EPB41L5: variants seen among roughly 807,000 people sequenced by gnomAD.
The protein encoded by EPB41L5 is erythrocyte membrane protein band 4.1 like 5, also known as band 4.1-like protein 5.
Under a neutral mutation model 106.6 loss-of-function variants are expected in EPB41L5, and 55 were observed. That is an observed-to-expected ratio of 0.52 (90% CI 0.42 to 0.65). The LOEUF (loss-of-function observed/expected upper bound fraction) is 0.65. Ranked by LOEUF, EPB41L5 falls within the 30% of genes least tolerant of loss-of-function variation. The pLI, the probability that EPB41L5 is intolerant of heterozygous loss-of-function variation, is 0.00. For synonymous variants in EPB41L5, 297 were observed against 306.7 expected (o/e 0.97, Z 0.33); for missense variants, 871 against 882.1 (o/e 0.99, Z 0.16).
chr2:120,160,109 A>T (rs1192716086), intron 20 of EPB41L5, among the ~76,000 whole-genome samples: 1 of 152,170 alleles, frequency 6.6e-6, no homozygotes, highest in African/African-American at 2.4e-5. Context: ...AAAAATAACT[A>T]ATGGGTACTA....
At chr2:120,137,224 G>A (rs191121850) in intron 18 of EPB41L5, among the ~76,000 whole-genome samples, 322 of 152,076 alleles carry the variant, frequency 2.1e-3, no homozygotes, top group Middle Eastern at 6.8e-3. Context: ...AAGCAGTACT[G>A]AGGAAAGTTT....
Position 120,049,463 on chromosome 2 carries a change from T to C in EPB41L5, c.285+7353T>C, listed in dbSNP as rs182254717. Among the ~76,000 whole-genome samples the C allele has an allele frequency of 1.4e-4, 22 of 152,336 alleles. No homozygotes were observed. The East Asian group carries it at 3.3e-3, about 23-fold the overall frequency. On this transcript the variant is annotated intron_variant, in intron 3 of 24. Transcript: ENST00000263713. ...ATCTTTGTTAGTTTCAAGTCTGTTT[T>C]ATCAGAGAGTAGGATTGCAACCCCT...
intron 16 of EPB41L5, among the ~76,000 whole-genome samples, chr2:120,110,224 G>T (rs1438371055): frequency 6.6e-6 from 1 of 152,112 alleles, no homozygotes; most frequent in Non-Finnish European, 1.5e-5. Context: ...TCATCACCTA[G>T]CTTAGAGATG....
At position 120,164,947 on chromosome 2, in the gene EPB41L5, TTC is replaced by T. The variant is rs765650786; in HGVS notation, c.1962+39_1962+40del. ...TTAAAATAGTATGATGGAAAGAAAT[TTC>T]TGTTTTGAAAAATGTTCCTGCTAGA... On this transcript the variant is annotated intron_variant, in intron 22 of 24. Transcript: ENST00000263713. 390 of 1,480,468 alleles carry T rather than the reference TTC, an allele frequency of 2.6e-4. 2 individuals carry two copies. The highest frequency in any genetic ancestry group is 2.1e-4 in the Non-Finnish European group (230 of 1,084,960). 91.7% of individuals were successfully genotyped at this position (1,480,468 alleles called of 1,614,324 possible).
chr2:120,119,211 A>G (rs1326636917), intron 16 of EPB41L5, among the ~76,000 whole-genome samples: 4 of 152,038 alleles, frequency 2.6e-5, no homozygotes, highest in South Asian at 4.1e-4. Context: ...AGTTCCTTGT[A>G]GCCTCTGGAT....
At chr2:120,089,508 A>G (rs1368695652) in intron 11 of EPB41L5, among the ~76,000 whole-genome samples, 2 of 152,054 alleles carry the variant, frequency 1.3e-5, no homozygotes, top group African/African-American at 4.8e-5. Flanking sequence ...GATCTAACAT[A>G]TATATATGCT....
At chr2:120,099,176 G>T (rs1683968699) in intron 14 of EPB41L5, among the ~76,000 whole-genome samples, 2 of 151,924 alleles carry the variant, frequency 1.3e-5, no homozygotes, top group Admixed American at 1.3e-4. Context: ...TTATATTTTT[G>T]AATTATTTTT....
At chr2:120,174,772 A>G (rs1574809699) in intron 24 of EPB41L5, 69 bp from the exon 25 acceptor site, 17 of 1,339,092 alleles carry the variant, frequency 1.3e-5, no homozygotes, top group Non-Finnish European at 1.4e-5. Context: ...TGTGGCACTA[A>G]TGGAGACATG....
At chr2:120,066,193 A>G (rs760952143) in intron 3 of EPB41L5, among the ~76,000 whole-genome samples, 1 of 152,220 alleles carries the variant, frequency 6.6e-6, no homozygotes, top group African/African-American at 2.4e-5. Flanking sequence ...AAGGGGGTCC[A>G]TGATTATTGC....
At chr2:120,138,006 C>T (rs1038347592) in intron 18 of EPB41L5, among the ~76,000 whole-genome samples, 1 of 151,912 alleles carries the variant, frequency 6.6e-6, no homozygotes, top group African/African-American at 2.4e-5. Flanking sequence ...TAAGTCATCA[C>T]GTCCAAGTGG....
intron 16 of EPB41L5, among the ~76,000 whole-genome samples, chr2:120,122,529 A>G (rs903745049): frequency 1.4e-4 from 21 of 152,134 alleles, no homozygotes; most frequent in African/African-American, 4.6e-4. Flanking sequence ...TGTTCCATTG[A>G]TCTATATCTC....
At chr2:120,103,408 A>G (rs1684264742) in intron 16 of EPB41L5, among the ~76,000 whole-genome samples, 1 of 152,190 alleles carries the variant, frequency 6.6e-6, no homozygotes, top group Non-Finnish European at 1.5e-5. Context: ...AGGGTGTATC[A>G]TCTCATCACA....
intron 17 of EPB41L5, chr2:120,128,075 C>A: frequency 3.0e-6 from 1 of 333,640 alleles, no homozygotes; most frequent in Non-Finnish European, 5.3e-6. Context: ...AGACATTAAA[C>A]ATTTAAGAGT....
chr2:120,090,421 T>G lies in EPB41L5; in HGVS notation c.948T>G (p.Ala316=). 1 of 1,613,832 alleles carries G rather than the reference T, an allele frequency of 6.2e-7. No homozygotes were observed. Among genetic ancestry groups the G allele is most frequent in the African/African-American group, 1.3e-5 (1 of 75,024 alleles). Reference sequence around the variant, plus strand: ...CATGCAAACATTTATGGAAATGTGCTGTGGAGCATCATGCTTTCTTCCGCC... The same window carrying G: ...CATGCAAACATTTATGGAAATGTGCGGTGGAGCATCATGCTTTCTTCCGCC... The part of the protein sequence containing the change: ...PKACKHLWKC[A]VEHHAFFRLR... Residue 316 remains alanine (A), a synonymous_variant, in exon 12 of 25, where the codon GCT becomes GCG. Coordinates refer to ENST00000263713, the MANE Select transcript of EPB41L5 (RefSeq NM_020909.4).
rs763499688 is a variant in EPB41L5 at position 120,019,378 on chromosome 2, T to TTAG, written c.180+117_180+119dup. ...TGGAAATAAGTAAAGGTATTATGGG[T>TTAG]TAGTATAGATCAGGCACTGTAACAT... On this transcript the variant is annotated intron_variant, in intron 2 of 24. Coordinates refer to ENST00000263713, the MANE Select transcript of EPB41L5 (RefSeq NM_020909.4). 1.9e-5 allele frequency: 18 copies of TTAG among 933,540 alleles called. 1 individual carries two copies. In the East Asian group the frequency reaches 2.3e-4, roughly 12 times the overall value. 57.8% of individuals were successfully genotyped at this position (933,540 alleles called of 1,614,324 possible).
At chr2:120,087,080 T>A in intron 10 of EPB41L5, 91 bp from the exon 11 acceptor site, 1 of 727,406 alleles carries the variant, frequency 1.4e-6, no homozygotes, top group Non-Finnish European at 2.3e-6. Flanking sequence ...AGGAGTTAGA[T>A]GGTTAAATGT....
chr2:120,014,360 A>G (rs968358559), intron 1 of EPB41L5, among the ~76,000 whole-genome samples: 3 of 152,322 alleles, frequency 2.0e-5, no homozygotes, highest in African/African-American at 7.2e-5. Flanking sequence ...TAAACCTACC[A>G]TCCAAAAATT....
At chr2:120,124,518 A>G (rs1685371778) in intron 16 of EPB41L5, among the ~76,000 whole-genome samples, 1 of 152,174 alleles carries the variant, frequency 6.6e-6, no homozygotes. Flanking sequence ...TGAGAATCCC[A>G]ATGCAGACAT....
In EPB41L5 at chr2:120,159,058, A is replaced by G. The variant is rs146740635; in HGVS notation, c.1794-1823A>G. Among the ~76,000 whole-genome samples the G allele has an allele frequency of 7.7e-3, 1,172 of 152,278 alleles. 12 individuals are homozygous for G. The highest frequency in any genetic ancestry group is 0.026 in the African/African-American group (1,074 of 41,560). On this transcript the variant is annotated intron_variant, in intron 20 of 24. Transcript: ENST00000263713. ...AGGGAAGTGAAGGATCTCTACAAGG[A>G]TAACTACAAAACACTGCTTAAAGAA...
Sources: allele counts gnomAD v4.1 joint callset (sites outside exome capture counted in the v4.1 genomes callset), GRCh38; gene constraint gnomAD v4.1.1; transcripts MANE v1.5; gene names NCBI Gene and HGNC (gene_info 2026-07-23, HGNC 2026-07-21).